Variants in CFAP54 observed in about 807,000 individuals in gnomAD.
CFAP54 encodes cilia and flagella associated protein 54.
In CFAP54, 290 loss-of-function variants were observed where a neutral mutation model predicts 370.4. The observed-to-expected ratio is 0.78, with a 90% confidence interval of 0.71 to 0.86. The LOEUF is 0.86. Ranked by LOEUF, CFAP54 falls within the 40% of genes least tolerant of loss-of-function variation. CFAP54 has a pLI of 0.00. For synonymous variants in CFAP54, 1,206 were observed against 1,236.5 expected, an observed-to-expected ratio of 0.98 and a Z score of 0.52; for missense variants, 3,399 against 3,528.7, an observed-to-expected ratio of 0.96 and a Z score of 0.93.
At chr12:96,854,077 A>G (rs1406467844) in intron 66 of CFAP54, among the ~76,000 whole-genome samples, 1 of 152,150 alleles carries the variant, frequency 6.6e-6, no homozygotes, top group Non-Finnish European at 1.5e-5. Context: ...GCACAAAAGA[A>G]AATACAAATA....
chr12:96,791,915 T>A lies in CFAP54; in HGVS notation c.8680-414T>A, dbSNP rs34526918. On this transcript the variant is annotated intron_variant, in intron 62 of 67. Transcript: ENST00000524981. The stretch of plus-strand genomic sequence containing the variant: ...CCCAATCTGGAGTGCAGTGGCACGA[T>A]CTCAGCTCACTGCAACCTCTGCCTC... 9.4e-3 allele frequency among the ~76,000 whole-genome samples: 1,431 copies of A among 151,486 alleles called. 55 individuals are homozygous for A. In the East Asian group the frequency reaches 0.1, roughly 11 times the overall value.
rs1157558613 is a variant in CFAP54 at position 96,765,103 on chromosome 12, C to G, written c.8166C>G (p.Asn2722Lys). 6.7e-7 allele frequency: 1 copy of G among 1,487,902 alleles called. No individual in the cohort carries two copies. The highest frequency in any genetic ancestry group is 1.4e-5 in the African/African-American group (1 of 73,390). The allele number at this position is 1,487,902 out of a possible 1,614,324, so 92.2% of individuals were successfully genotyped here. A position where few individuals can be genotyped will look rare whatever the true frequency, so the allele number is the denominator to read the frequency against. ...AQVSEAVLAI[N>K]LLIGKKNTRM... ...TCAGTGAAGCTGTGCTGGCAATTAA[C>G]TTACTTATTGGAAAGAAGAATACTA... Residue 2722 changes from asparagine (N) to lysine (K), a missense_variant, in exon 60 of 68, where the codon AAC becomes AAG. Physicochemically the swap from Asn to Lys is moderately conservative, Grantham distance 94 (BLOSUM62 0). Coordinates refer to ENST00000524981, the MANE Select transcript of CFAP54 (RefSeq NM_001306084.2).
chr12:96,763,582 C>A (rs1958361860), intron 58 of CFAP54, among the ~76,000 whole-genome samples: 2 of 152,180 alleles, frequency 1.3e-5, no homozygotes, highest in South Asian at 2.1e-4. Flanking sequence ...AGATCAAGAC[C>A]AGCCTGGGCA....
intron 63 of CFAP54, among the ~76,000 whole-genome samples, chr12:96,805,584 AAC>A (rs1491394142): frequency 2.0e-5 from 3 of 151,684 alleles, no homozygotes; most frequent in African/African-American, 7.3e-5. Context: ...AAAAAAAAAA[AAC>A]CAGATATTGG....
chr12:96,637,095 C>A (rs930233561), intron 32 of CFAP54, among the ~76,000 whole-genome samples: 2 of 149,244 alleles, frequency 1.3e-5, no homozygotes, highest in African/African-American at 5.2e-5. Context: ...GAATCCACTT[C>A]CTGTTTCTAC....
At chr12:96,516,629 T>A (rs1955238418) in intron 5 of CFAP54, among the ~76,000 whole-genome samples, 1 of 152,226 alleles carries the variant, frequency 6.6e-6, no homozygotes, top group South Asian at 2.1e-4. Context: ...TATGGAATAA[T>A]TTAGCTTCTT....
chr12:96,519,211 G>C, intron 6 of CFAP54, 140 bp downstream of exon 6: 1 of 770,546 alleles, frequency 1.3e-6, no homozygotes, highest in Non-Finnish European at 1.9e-6. Flanking sequence ...CGATTCTCCT[G>C]CCTCAGCCTC....
In CFAP54 at chr12:96,805,387, C is replaced by T. The variant is rs556092057; in HGVS notation, c.8851-6349C>T. Among the ~76,000 whole-genome samples, 28 of 130,502 alleles carry T rather than the reference C, an allele frequency of 2.1e-4. No individual in the cohort carries two copies. The South Asian group carries it at 8.1e-3, about 38-fold the overall frequency. 85.6% of individuals were successfully genotyped at this position (130,502 alleles called of 152,430 possible). A position where few individuals can be genotyped will look rare whatever the true frequency, so the allele number is the denominator to read the frequency against. Reference sequence around the variant, plus strand: ...TCTACAAGGAACTCAAGCAGCTCAACAAGAAAAAAAAACCATTAAAAAGTG... The same window carrying T: ...TCTACAAGGAACTCAAGCAGCTCAATAAGAAAAAAAAACCATTAAAAAGTG... On this transcript the variant is annotated intron_variant, in intron 63 of 67. Coordinates refer to ENST00000524981, the MANE Select transcript of CFAP54 (RefSeq NM_001306084.2).
At chr12:96,626,690 A>G in intron 29 of CFAP54, 123 bp from the exon 30 acceptor site, 1 of 466,972 alleles carries the variant, frequency 2.1e-6, no homozygotes, top group East Asian at 3.2e-5. Context: ...TAAAATGGAG[A>G]AATCTAAAAA....
At position 96,855,651 on chromosome 12, in the gene CFAP54, C is replaced by T. The variant is rs116848978; in HGVS notation, c.9172-5168C>T. On this transcript the variant is annotated intron_variant, in intron 66 of 67. Coordinates refer to ENST00000524981, the MANE Select transcript of CFAP54 (RefSeq NM_001306084.2). Reference sequence around the variant, plus strand: ...GTCACACACCCAGGGCTTGCTGATGCAAGAGGTGGGCCCCCACAGCCTTGG... The same window carrying T: ...GTCACACACCCAGGGCTTGCTGATGTAAGAGGTGGGCCCCCACAGCCTTGG... 1.1e-3 allele frequency among the ~76,000 whole-genome samples: 170 copies of T among 152,332 alleles called. 3 individuals are homozygous for T. In the East Asian group the frequency reaches 0.03, roughly 27 times the overall value.
chr12:96,827,707 T>TATATAATTATATTTA (rs1555340731), intron 65 of CFAP54, among the ~76,000 whole-genome samples: 9 of 90,248 alleles, frequency 1.0e-4, no homozygotes, highest in Non-Finnish European at 1.6e-4. Context: ...TATTATATTA[T>TATATAATTATATTTA]ATATAATTAT....
chr12:96,665,805 C>CT (rs1255859851), intron 39 of CFAP54, among the ~76,000 whole-genome samples: 1 of 152,082 alleles, frequency 6.6e-6, no homozygotes, highest in Admixed American at 6.5e-5. Context: ...TATTCAGGCT[C>CT]TTTTTTGGTT....
rs943950425 is a variant in CFAP54 at position 96,509,840 on chromosome 12, A to G, written c.739+2741A>G. Reference sequence around the variant, plus strand: ...CAAAAAAAAAAAAATCTAATTGGGTATATGGATATTAAGTAATACCTTACT... The same window carrying G: ...CAAAAAAAAAAAAATCTAATTGGGTGTATGGATATTAAGTAATACCTTACT... On this transcript the variant is annotated intron_variant, in intron 4 of 67. Coordinates refer to ENST00000524981, the MANE Select transcript of CFAP54 (RefSeq NM_001306084.2). Among the ~76,000 whole-genome samples the G allele has an allele frequency of 2.6e-5, 4 of 151,534 alleles. No homozygotes were observed. In the East Asian group the frequency reaches 7.8e-4, roughly 29 times the overall value.
At chr12:96,765,011 AC>A in intron 59 of CFAP54, 65 bp from the exon 60 acceptor site, 1 of 1,199,090 alleles carries the variant, frequency 8.3e-7, no homozygotes, top group Non-Finnish European at 1.1e-6. Context: ...CACATTATTT[AC>A]CTAATAGATA....
chr12:96,554,837 C>A, intron 17 of CFAP54, 35 bp downstream of exon 17: 1 of 1,503,114 alleles, frequency 6.7e-7, no homozygotes, highest in South Asian at 1.3e-5. Context: ...CATTCTGAAT[C>A]AATTTTAAGC....
At chr12:96,612,508 A>G (rs1956369682) in intron 26 of CFAP54, among the ~76,000 whole-genome samples, 3 of 152,216 alleles carry the variant, frequency 2.0e-5, no homozygotes, top group Non-Finnish European at 4.4e-5. Context: ...AGCTATGATT[A>G]TAATAACATG....
intron 26 of CFAP54, among the ~76,000 whole-genome samples, chr12:96,617,272 C>G (rs530300723): frequency 6.6e-6 from 1 of 151,966 alleles, no homozygotes; most frequent in Non-Finnish European, 1.5e-5. Context: ...GCCTGGAGCT[C>G]GGGAGATGTG....
At chr12:96,553,935 A>G (rs868693240) in intron 15 of CFAP54, among the ~76,000 whole-genome samples, 19 of 152,152 alleles carry the variant, frequency 1.2e-4, no homozygotes, top group Admixed American at 7.2e-4. Flanking sequence ...ATATTAATAC[A>G]TGTTTGTGAA....
chr12:96,796,829 T>C (rs545220704), intron 63 of CFAP54, among the ~76,000 whole-genome samples: 12 of 152,292 alleles, frequency 7.9e-5, no homozygotes, highest in African/African-American at 2.9e-4. Flanking sequence ...CTCCTCTTTT[T>C]CTTGAAGTTT....
Sources: allele counts gnomAD v4.1 joint callset (sites outside exome capture counted in the v4.1 genomes callset), GRCh38; gene constraint gnomAD v4.1.1; transcripts MANE v1.5; gene names NCBI Gene and HGNC (gene_info 2026-07-23, HGNC 2026-07-21).